Variants in NSD1 observed in about 807,000 individuals in gnomAD.
NSD1 encodes the protein nuclear receptor binding SET domain protein 1, also known as histone-lysine N-methyltransferase, H3 lysine-36 specific.
In NSD1, 26 loss-of-function variants were observed where a neutral mutation model predicts 242.7. The ratio of observed to expected loss-of-function variants is 0.11; its 90% CI spans 0.08 to 0.15. The LOEUF is 0.15. NSD1 is among the 10% of genes least tolerant of loss of function. The probability of loss-of-function intolerance (pLI) is 1.00; values close to 1 mark genes in which losing one functional copy is unlikely to be tolerated. For synonymous variants in NSD1, 1,106 were observed against 1,178.1 expected (o/e 0.94, Z 1.25); for missense variants, 2,495 against 3,272.8 (o/e 0.76, Z 5.80).
At chr5:177,283,978 T>C in intron 20 of NSD1, 50 bp downstream of exon 20, 5 of 1,608,860 alleles carry the variant, frequency 3.1e-6, no homozygotes, top group Non-Finnish European at 4.3e-6. Flanking sequence ...TTCAGGGCTT[T>C]TGTTTTTTAC....
chr5:177,277,715 G>GA (rs35052491), intron 17 of NSD1, among the ~76,000 whole-genome samples: 4 of 147,692 alleles, frequency 2.7e-5, no homozygotes, highest in Non-Finnish European at 3.0e-5. Flanking sequence ...AAAATACAAA[G>GA]AAAAAAAAAA....
Position 177,298,021 on chromosome 5 carries a change from G to A in NSD1, c.*2562G>A. On this transcript the variant is annotated 3_prime_UTR_variant, in exon 23 of 23. Transcript: ENST00000439151. ...TGGAAACTAGAAATTTGAGCTATTG[G>A]GCCCACCAGTAGCAGCATGTGATAC... The A allele has an allele frequency of 4.3e-6, 1 of 232,606 alleles. No individual in the cohort carries two copies. The allele number at this position is 232,606 out of a possible 1,614,324, so 14.4% of individuals were successfully genotyped here.
At chr5:177,233,270 T>A (rs967152454) in intron 5 of NSD1, among the ~76,000 whole-genome samples, 1 of 152,092 alleles carries the variant, frequency 6.6e-6, no homozygotes, top group African/African-American at 2.4e-5. Context: ...GGTCTCACTA[T>A]GTTAACTGGG....
At chr5:177,252,111 G>A (rs926111566) in intron 12 of NSD1, among the ~76,000 whole-genome samples, 1 of 152,174 alleles carries the variant, frequency 6.6e-6, no homozygotes, top group East Asian at 1.9e-4. Flanking sequence ...ATGCCATAGA[G>A]GAAGATATCT....
chr5:177,262,191 C>T (rs1477427232), intron 14 of NSD1, among the ~76,000 whole-genome samples: 2 of 152,208 alleles, frequency 1.3e-5, no homozygotes, highest in African/African-American at 4.8e-5. Flanking sequence ...TTTTCTGCAG[C>T]CTGCCTCATT....
At chr5:177,232,620 A>G (rs1297057605) in intron 5 of NSD1, among the ~76,000 whole-genome samples, 1 of 152,254 alleles carries the variant, frequency 6.6e-6, no homozygotes, top group African/African-American at 2.4e-5. Context: ...AGGTGATAAA[A>G]TGGCACACGT....
At chr5:177,267,475 G>GAA in intron 14 of NSD1, 87 bp from the exon 15 acceptor site, 4 of 1,129,078 alleles carry the variant, frequency 3.5e-6, no homozygotes, top group African/African-American at 3.1e-5. Flanking sequence ...TGAAGAGAAA[G>GAA]AAAATATATA....
chr5:177,280,711 A>C lies in NSD1; in HGVS notation c.5769A>C (p.Thr1923=), dbSNP rs1448380303. ...TGCTGCTCTATGAGTGCCACCCCAC[A>C]GTGTGTCCTGCCGGAGGGCGCTGTC... is the stretch of plus-strand genomic sequence containing the variant. ...NRMLLYECHP[T]VCPAGGRCQN... is the part of the protein sequence containing the mutation. The change falls in exon 18 of 23, where the codon ACA becomes ACC. Residue 1923 remains threonine, a synonymous_variant. Coordinates refer to ENST00000439151, the MANE Select transcript of NSD1 (RefSeq NM_022455.5). 9 of 1,614,122 alleles carry C rather than the reference A, an allele frequency of 5.6e-6. No homozygotes were observed. The highest frequency in any genetic ancestry group is 6.8e-6 in the Non-Finnish European group (8 of 1,180,044).
intron 2 of NSD1, among the ~76,000 whole-genome samples, chr5:177,184,334 T>C (rs550585920): frequency 1.3e-5 from 2 of 152,286 alleles, no homozygotes; most frequent in African/African-American, 2.4e-5. Flanking sequence ...TGGTATCTCA[T>C]TGTAGTTTTG....
At chr5:177,189,104 T>G (rs1198308219) in intron 2 of NSD1, among the ~76,000 whole-genome samples, 1 of 152,178 alleles carries the variant, frequency 6.6e-6, no homozygotes, top group Non-Finnish European at 1.5e-5. Context: ...ACCCTAGAAT[T>G]AGGAATTATA....
In NSD1 at chr5:177,293,983, T is replaced by C. The variant is rs1371929848; in HGVS notation, c.6615T>C (p.His2205=). The C allele has an allele frequency of 1.2e-6, 2 of 1,614,008 alleles. No individual in the cohort carries two copies. Among genetic ancestry groups the C allele is most frequent in the Non-Finnish European group, 1.7e-6 (2 of 1,180,044 alleles). Reference sequence around the variant, plus strand: ...ATGGGCGTCTGTCTTGTACTGAGCATGACCCCTGTGGGCCCAATCCTCTGG... The same window carrying C: ...ATGGGCGTCTGTCTTGTACTGAGCACGACCCCTGTGGGCCCAATCCTCTGG... ...KLDGRLSCTE[H]DPCGPNPLEP... The change falls in exon 23 of 23, where the codon CAT becomes CAC. Residue 2205 remains histidine, a synonymous_variant. Coordinates refer to ENST00000439151, the MANE Select transcript of NSD1 (RefSeq NM_022455.5).
chr5:177,292,951 G>T (rs1759958430), intron 22 of NSD1, among the ~76,000 whole-genome samples: 1 of 151,974 alleles, frequency 6.6e-6, no homozygotes, highest in South Asian at 2.1e-4. Context: ...AGAACTTTAG[G>T]GTATAAGTAA....
intron 2 of NSD1, among the ~76,000 whole-genome samples, chr5:177,185,344 A>G (rs1055695645): frequency 1.3e-5 from 2 of 151,898 alleles, no homozygotes; most frequent in African/African-American, 4.8e-5. Flanking sequence ...CACGTCTGTA[A>G]TCCCAGCACT....
chr5:177,157,851 C>G (rs1562129304), intron 2 of NSD1, among the ~76,000 whole-genome samples: 1 of 152,222 alleles, frequency 6.6e-6, no homozygotes, highest in East Asian at 1.9e-4. Flanking sequence ...CAAATACAGT[C>G]ATATAATTTG....
rs192205318 is a variant in NSD1, at chr5:177,148,371, G to A, written c.927+12341G>A. On this transcript the variant is annotated intron_variant, in intron 2 of 22. Transcript: ENST00000439151. ...GACCCCAGGTGATCCACCCTCCTCA[G>A]CCTCCCAAAGTGCTGGGATTACAGG... is the stretch of plus-strand genomic sequence containing the variant. 1.1e-3 allele frequency among the ~76,000 whole-genome samples: 172 copies of A among 152,234 alleles called. 3 individuals carry two copies. The highest frequency in any genetic ancestry group is 1.2e-4 in the Non-Finnish European group (8 of 68,010).
At chr5:177,158,243 TTCTTTC>T (rs1270337578) in intron 2 of NSD1, among the ~76,000 whole-genome samples, 1 of 53,328 alleles carries the variant, frequency 1.9e-5, no homozygotes, top group Non-Finnish European at 3.8e-5. Context: ...TCTAATTTCT[TTCTTTC>T]TTTCTTTCTT....
chr5:177,237,637 A>G (rs544027279), intron 6 of NSD1, among the ~76,000 whole-genome samples: 3 of 145,338 alleles, frequency 2.1e-5, no homozygotes, highest in East Asian at 4.0e-4. Context: ...TGTTCACACC[A>G]TTCTCCTGCC....
chr5:177,179,452 T>G (rs1396985108), intron 2 of NSD1, among the ~76,000 whole-genome samples: 1 of 152,234 alleles, frequency 6.6e-6, no homozygotes, highest in Non-Finnish European at 1.5e-5. Context: ...TGACCTCTGG[T>G]GATCCGCCCA....
intron 21 of NSD1, among the ~76,000 whole-genome samples, chr5:177,290,506 C>A (rs1402411095): frequency 6.6e-6 from 1 of 150,874 alleles, no homozygotes; most frequent in African/African-American, 2.4e-5. Context: ...CTCCCAGGTT[C>A]AAGTGATTCT....
Sources: allele counts gnomAD v4.1 joint callset (sites outside exome capture counted in the v4.1 genomes callset), GRCh38; gene constraint gnomAD v4.1.1; transcripts MANE v1.5; gene names NCBI Gene and HGNC (gene_info 2026-07-23, HGNC 2026-07-21).